SGIP1: variants seen among roughly 807,000 people sequenced by gnomAD.
The protein encoded by SGIP1 is SH3-containing GRB2-like protein 3-interacting protein 1.
A neutral mutation model predicts 107.5 loss-of-function variants in SGIP1; 38 were observed. That is an observed-to-expected ratio of 0.35 (90% CI 0.27 to 0.46). The LOEUF (loss-of-function observed/expected upper bound fraction) is 0.46. Ranked by LOEUF, SGIP1 falls within the 20% of genes least tolerant of loss-of-function variation. The pLI is 1.00. For missense variants in SGIP1, 929 were observed against 1,019.5 expected (o/e 0.91, Z 1.21); for synonymous variants, 365 against 366.1 (o/e 1.00, Z 0.03).
chr1:66,672,878 A>G (rs757943755), intron 11 of SGIP1, among the ~76,000 whole-genome samples: 22 of 152,014 alleles, frequency 1.4e-4, no homozygotes, highest in Non-Finnish European at 3.1e-4. Context: ...ATTAACTACA[A>G]CAAAGAGATG....
chr1:66,546,483 A>T (rs573223383), intron 1 of SGIP1, among the ~76,000 whole-genome samples: 1 of 152,360 alleles, frequency 6.6e-6, no homozygotes, highest in East Asian at 1.9e-4. Flanking sequence ...CTTTGGAGAC[A>T]GACAACCTGA....
chr1:66,744,366 T>C lies in SGIP1; in HGVS notation c.*1271T>C, dbSNP rs577082776. On this transcript the variant is annotated 3_prime_UTR_variant, in exon 25 of 25. Coordinates refer to ENST00000371037, the MANE Select transcript of SGIP1 (RefSeq NM_032291.4). ...TGCAAGGTATAATAAAAACTGTAAT[T>C]ATTCAATCTGGCCCTGCCATATGAA... is the stretch of plus-strand genomic sequence containing the variant. 1 of 152,242 alleles carries C rather than the reference T, an allele frequency of 6.6e-6. No homozygotes were observed. Among genetic ancestry groups the C allele is most frequent in the South Asian group, 2.1e-4 (1 of 4,820 alleles). The allele number at this position is 152,242 out of a possible 1,614,324, so 9.4% of individuals were successfully genotyped here. A position where few individuals can be genotyped will look rare whatever the true frequency, so the allele number is the denominator to read the frequency against.
At chr1:66,734,026 A>G (rs1036010877) in intron 21 of SGIP1, 146 bp downstream of exon 21, 1 of 899,966 alleles carries the variant, frequency 1.1e-6, no homozygotes, top group Non-Finnish European at 1.5e-6. Context: ...GAAACTTTAA[A>G]AGATAACTTG....
At chr1:66,695,997 C>T (rs528419436) in intron 18 of SGIP1, among the ~76,000 whole-genome samples, 7 of 152,056 alleles carry the variant, frequency 4.6e-5, no homozygotes, top group Non-Finnish European at 1.0e-4. Flanking sequence ...TCAGAAAAAT[C>T]GGGAAAAGAA....
chr1:66,706,438 A>G (rs928930779), intron 18 of SGIP1, among the ~76,000 whole-genome samples: 4 of 120,962 alleles, frequency 3.3e-5, no homozygotes, highest in Admixed American at 2.7e-4. Flanking sequence ...ATTTATATAG[A>G]GATACACATT....
chr1:66,684,050 C>T, intron 15 of SGIP1: 1 of 1,545,642 alleles, frequency 6.5e-7, no homozygotes, highest in South Asian at 1.2e-5. Context: ...GCTTTTTGTA[C>T]ATTATTTCAT....
At chr1:66,740,549 G>A (rs1280771670) in intron 22 of SGIP1, 109 bp from the exon 23 acceptor site, 2 of 701,544 alleles carry the variant, frequency 2.9e-6, no homozygotes, top group Non-Finnish European at 4.9e-6. Context: ...TGTAGTGAAA[G>A]TTTTCAAGCT....
intron 1 of SGIP1, among the ~76,000 whole-genome samples, chr1:66,553,995 C>T (rs2057816259): frequency 1.3e-5 from 2 of 152,114 alleles, no homozygotes; most frequent in South Asian, 4.1e-4. Flanking sequence ...TTATTCATTG[C>T]TGCTTGGTTT....
At chr1:66,681,093 G>C (rs1315645481) in intron 14 of SGIP1, among the ~76,000 whole-genome samples, 1 of 152,126 alleles carries the variant, frequency 6.6e-6, no homozygotes, top group Non-Finnish European at 1.5e-5. Flanking sequence ...GACTTAATGA[G>C]AAAAGAAATT....
At chr1:66,689,362 G>A (rs2089293982) in intron 16 of SGIP1, 87 bp downstream of exon 16, 1 of 1,498,260 alleles carries the variant, frequency 6.7e-7, no homozygotes, top group Non-Finnish European at 9.0e-7. Context: ...AGCGTTTAGA[G>A]AACTCGTACA....
At chr1:66,542,113 T>C (rs1277293048) in intron 1 of SGIP1, among the ~76,000 whole-genome samples, 1 of 151,984 alleles carries the variant, frequency 6.6e-6, no homozygotes, top group African/African-American at 2.4e-5. Context: ...TTCCTATACA[T>C]ATATATGAGA....
chr1:66,692,809 A>C (rs1458328776), intron 17 of SGIP1, among the ~76,000 whole-genome samples: 2 of 152,200 alleles, frequency 1.3e-5, no homozygotes, highest in Non-Finnish European at 2.9e-5. Context: ...CTACACAGCA[A>C]TTCATATAAG....
At chr1:66,733,961 T>G in intron 21 of SGIP1, 81 bp downstream of exon 21, 1 of 1,405,090 alleles carries the variant, frequency 7.1e-7, no homozygotes, top group Non-Finnish European at 9.5e-7. Context: ...TAAAAGTAAC[T>G]AAAGTAACAC....
intron 3 of SGIP1, chr1:66,634,083 G>A (rs1468018824): frequency 6.2e-7 from 1 of 1,604,882 alleles, no homozygotes; most frequent in South Asian, 1.1e-5. Context: ...TATTCAGCAG[G>A]GGAAAAAAAA....
Position 66,538,896 on chromosome 1 carries a change from G to T in SGIP1, c.10+4528G>T, listed in dbSNP as rs17129057. Among the ~76,000 whole-genome samples, 859 of 152,282 alleles carry T rather than the reference G, an allele frequency of 5.6e-3. 6 individuals carry two copies. The highest frequency in any genetic ancestry group is 0.02 in the African/African-American group (818 of 41,564). Reference sequence around the variant, plus strand: ...AATTGGAGGACAATGAAGAGCTGGAGAAAAAATTAGAAGGTATTTTCAGAA... The same window carrying T: ...AATTGGAGGACAATGAAGAGCTGGATAAAAAATTAGAAGGTATTTTCAGAA... On this transcript the variant is annotated intron_variant, in intron 1 of 24. Transcript: ENST00000371037.
intron 1 of SGIP1, among the ~76,000 whole-genome samples, chr1:66,605,824 T>A (rs2066716617): frequency 2.6e-5 from 4 of 152,162 alleles, no homozygotes; most frequent in African/African-American, 9.7e-5. Flanking sequence ...TGTGGTTCAA[T>A]TAGCCGTGTC....
chr1:66,711,735 C>A (rs1370612394), intron 18 of SGIP1, among the ~76,000 whole-genome samples: 1 of 152,136 alleles, frequency 6.6e-6, no homozygotes, highest in African/African-American at 2.4e-5. Context: ...TGATAGCCTG[C>A]AAAATGGGGA....
intron 1 of SGIP1, among the ~76,000 whole-genome samples, chr1:66,588,208 G>T (rs2062946661): frequency 6.6e-6 from 1 of 152,036 alleles, no homozygotes; most frequent in Non-Finnish European, 1.5e-5. Context: ...CATCTTTTAG[G>T]ATCACTAACT....
intron 1 of SGIP1, among the ~76,000 whole-genome samples, chr1:66,566,603 G>A (rs1371782719): frequency 6.6e-6 from 1 of 151,744 alleles, no homozygotes; most frequent in Non-Finnish European, 1.5e-5. Flanking sequence ...CTGTCATGTG[G>A]GGATAATAAT....
Sources: allele counts gnomAD v4.1 joint callset (sites outside exome capture counted in the v4.1 genomes callset), GRCh38; gene constraint gnomAD v4.1.1; transcripts MANE v1.5; gene names NCBI Gene and HGNC (gene_info 2026-07-23, HGNC 2026-07-21).